The following C2orf76 variants were observed in gnomAD, a reference collection of about 807,000 sequenced individuals.
The protein encoded by C2orf76 is UPF0538 protein C2orf76.
Under a neutral mutation model 16.9 loss-of-function variants are expected in C2orf76, and 23 were observed. The observed-to-expected ratio is 1.36, with a 90% CI of 0.98 to 1.93. The LOEUF is 1.93. Ranked by LOEUF, C2orf76 falls within the 30% of genes most tolerant of loss-of-function variation. The pLI, the probability that C2orf76 is intolerant of heterozygous loss-of-function variation, is 0.00. For missense variants in C2orf76, 152 were observed against 152.6 expected (o/e 1.00, Z 0.02); for synonymous variants, 48 against 52.3 (o/e 0.92, Z 0.35).
chr2:119,302,482 G>A lies in C2orf76; in HGVS notation c.371C>T (p.Ser124Leu), dbSNP rs1678645592. The A allele has an allele frequency of 7.2e-7, 1 of 1,397,052 alleles. No homozygotes were observed. The highest frequency in any genetic ancestry group is 9.9e-7 in the Non-Finnish European group (1 of 1,008,292). The allele number at this position is 1,397,052 out of a possible 1,614,324, so 86.5% of individuals were successfully genotyped here. A position where few individuals can be genotyped will look rare whatever the true frequency, so the allele number is the denominator to read the frequency against. ...DYKNYKANPI[S>L]SW ...GCCCTCGAGATGTTTTCACCAGGATGAAATGGGATTAGCTTTGTAGTTCTT... is the reference window on the plus strand; with the variant it reads ...GCCCTCGAGATGTTTTCACCAGGATAAAATGGGATTAGCTTTGTAGTTCTT... Residue 124 changes from serine (S) to leucine (L), a missense_variant, in exon 6 of 6, where the codon TCA (serine) becomes TTA (leucine). Ser to Leu is a moderately radical substitution (Grantham distance 145). Transcript: ENST00000334816.
the C2orf76 span, among the ~76,000 whole-genome samples, chr2:119,286,224 CAAAAAAAAAAAAA>C: frequency 1.3e-4 from 8 of 60,366 alleles, no homozygotes; most frequent in East Asian, 8.3e-4. Flanking sequence ...GACTCCATCT[CAAAAAAAAAAAAA>C]AAAAAAAAAA....
At chr2:119,315,332 G>A (rs1432219342) in intron 4 of C2orf76, among the ~76,000 whole-genome samples, 1 of 152,060 alleles carries the variant, frequency 6.6e-6, no homozygotes, top group African/African-American at 2.4e-5. Flanking sequence ...TTAGGGAAAT[G>A]GGGAAAATGC....
chr2:119,302,417 C>G lies in C2orf76; in HGVS notation c.*55G>C. On this transcript the variant is annotated 3_prime_UTR_variant, in exon 6 of 6. Transcript: ENST00000334816. ...TTGTTTGTCAATTTCAAAAATTCAG[C>G]AGTGGAATAAAGAGCTTAATACAGG... 1.5e-6 allele frequency: 1 copy of G among 663,084 alleles called. No individual in the cohort carries two copies. 41.1% of individuals were successfully genotyped at this position (663,084 alleles called of 1,614,324 possible).
At chr2:119,304,923 A>T (rs1331483756) in intron 5 of C2orf76, among the ~76,000 whole-genome samples, 1 of 152,206 alleles carries the variant, frequency 6.6e-6, no homozygotes, top group Admixed American at 6.5e-5. Context: ...TATCCCTTAA[A>T]TTCCTGCTTC....
intron 2 of C2orf76, among the ~76,000 whole-genome samples, chr2:119,325,684 G>A (rs889246014): frequency 2.0e-5 from 3 of 152,080 alleles, no homozygotes; most frequent in African/African-American, 7.2e-5. Flanking sequence ...CCCACTAGTG[G>A]TATATGAGAG....
chr2:119,322,423 G>T (rs1679374610), intron 2 of C2orf76, among the ~76,000 whole-genome samples: 1 of 152,070 alleles, frequency 6.6e-6, no homozygotes, highest in South Asian at 2.1e-4. Flanking sequence ...GCCCAGGCTG[G>T]TCTCAAACTC....
intron 2 of C2orf76, among the ~76,000 whole-genome samples, chr2:119,323,621 T>C (rs550617432): frequency 6.6e-6 from 1 of 152,016 alleles, no homozygotes; most frequent in Non-Finnish European, 1.5e-5. Flanking sequence ...CAGGCAGAGA[T>C]ATTTAAACAC....
intron 2 of C2orf76, among the ~76,000 whole-genome samples, chr2:119,337,318 G>A (rs1679882589): frequency 6.6e-6 from 1 of 151,572 alleles, no homozygotes; most frequent in Admixed American, 6.6e-5. Flanking sequence ...TGATCCTCCC[G>A]CCTTAGCCTC....
At chr2:119,353,344 TAGA>T (rs1457951127) in intron 1 of C2orf76, among the ~76,000 whole-genome samples, 1 of 152,164 alleles carries the variant, frequency 6.6e-6, no homozygotes, top group African/African-American at 2.4e-5. Flanking sequence ...AGTTTAAGTT[TAGA>T]AGAATGACAA....
chr2:119,289,041 T>C, the C2orf76 span, among the ~76,000 whole-genome samples: 1 of 151,928 alleles, frequency 6.6e-6, no homozygotes, highest in Non-Finnish European at 1.5e-5. Flanking sequence ...GCCAAGACAC[T>C]GAAAAAGCCA....
At chr2:119,329,815 G>A (rs1228025989) in intron 2 of C2orf76, among the ~76,000 whole-genome samples, 1 of 151,670 alleles carries the variant, frequency 6.6e-6, no homozygotes, top group Non-Finnish European at 1.5e-5. Flanking sequence ...ACAATACGTT[G>A]TTGTTGTGTT....
rs1311118804 is a variant in C2orf76, at chr2:119,308,262, G to A, written c.304+3360C>T. Among the ~76,000 whole-genome samples, 4 of 152,216 alleles carry A rather than the reference G, an allele frequency of 2.6e-5. No homozygotes were observed. The East Asian group carries it at 5.8e-4, about 22-fold the overall frequency. On this transcript the variant is annotated intron_variant, in intron 5 of 5. Transcript: ENST00000334816. ...ATTACTGGCAATGCCAGCACCTCAAGAAACCATTTCTATAATTTTGGCGTA... is the reference window on the plus strand; with the variant it reads ...ATTACTGGCAATGCCAGCACCTCAAAAAACCATTTCTATAATTTTGGCGTA...
chr2:119,324,708 A>G (rs1266342424), intron 2 of C2orf76, among the ~76,000 whole-genome samples: 1 of 152,240 alleles, frequency 6.6e-6, no homozygotes, highest in African/African-American at 2.4e-5. Flanking sequence ...AGCTGGGACC[A>G]GAACCCTGCC....
intron 1 of C2orf76, among the ~76,000 whole-genome samples, chr2:119,346,009 C>T (rs1219346861): frequency 7.3e-6 from 1 of 137,900 alleles, no homozygotes; most frequent in Non-Finnish European, 1.5e-5. Context: ...GAGCAGAGAT[C>T]GTGCCACTGC....
At chr2:119,296,021 A>G in the C2orf76 span, among the ~76,000 whole-genome samples, 2 of 152,210 alleles carry the variant, frequency 1.3e-5, no homozygotes, top group African/African-American at 4.8e-5. Flanking sequence ...CTAGCCCAAA[A>G]TGCACATTTG....
At chr2:119,340,913 TAAAA>T (rs59470520) in intron 1 of C2orf76, among the ~76,000 whole-genome samples, 17,691 of 143,650 alleles carry the variant, frequency 0.12, 1,183 homozygotes, top group Admixed American at 0.19. Context: ...AGCAAACAGT[TAAAA>T]AAAAAAAAAG....
At chr2:119,297,285 C>G (rs1392358516), downstream of C2orf76, among the ~76,000 whole-genome samples, 2 of 152,288 alleles carry the variant, frequency 1.3e-5, no homozygotes, top group South Asian at 2.1e-4. Flanking sequence ...CAGTGTCTGA[C>G]ACACAATGGT....
chr2:119,305,943 A>AACAACG (rs1491447322), intron 5 of C2orf76, among the ~76,000 whole-genome samples: 25 of 49,848 alleles, frequency 5.0e-4, no homozygotes, highest in African/African-American at 1.3e-3. Flanking sequence ...AAACAACAAC[A>AACAACG]AAAAAAAAAA....
the C2orf76 span, among the ~76,000 whole-genome samples, chr2:119,286,835 G>C: frequency 6.6e-6 from 1 of 152,154 alleles, no homozygotes; most frequent in African/African-American, 2.4e-5. Flanking sequence ...AAGGGAAGGG[G>C]AGGCCGTTCT....
Sources: gnomAD v4.1 joint callset for allele counts (sites outside exome capture counted in the v4.1 genomes callset) on GRCh38, gnomAD v4.1.1 for gene constraint, MANE v1.5 for transcripts, NCBI Gene and HGNC (gene_info 2026-07-23, HGNC 2026-07-21) for gene names.